Variants in ATP8B4 observed in about 807,000 individuals in gnomAD.
ATP8B4 encodes the protein ATPase phospholipid transporting 8B4 (putative), also known as probable phospholipid-transporting ATPase IM.
A neutral mutation model predicts 145.6 loss-of-function variants in ATP8B4; 133 were observed. The ratio of observed to expected loss-of-function variants is 0.91; its 90% confidence interval spans 0.79 to 1.05. The LOEUF (loss-of-function observed/expected upper bound fraction) is 1.05, where lower values mean the gene tolerates loss of function less well. Among genes scored for constraint, ATP8B4 ranks in the 50% least tolerant of loss-of-function variants. The probability of loss-of-function intolerance (pLI) is 0.00; values close to 1 mark genes in which losing one functional copy is unlikely to be tolerated. For missense variants in ATP8B4, 1,458 were observed against 1,425.2 expected, an observed-to-expected ratio of 1.02 and a Z score of -0.37; for synonymous variants, 507 against 492.9, an observed-to-expected ratio of 1.03 and a Z score of -0.38.
At chr15:49,911,439 A>G (rs2039217503) in intron 20 of ATP8B4, among the ~76,000 whole-genome samples, 1 of 152,150 alleles carries the variant, frequency 6.6e-6, no homozygotes, top group South Asian at 2.1e-4. Context: ...TCATTTTATA[A>G]TGATAAAGGG....
chr15:50,105,932 A>G (rs1013064701), intron 2 of ATP8B4, among the ~76,000 whole-genome samples: 3 of 88 alleles, frequency 0.034, no homozygotes, highest in Middle Eastern at 0.5. Context: ...TTTTACAGGA[A>G]AAAAAATGGG....
chr15:50,095,251 G>C (rs987655222), intron 2 of ATP8B4, among the ~76,000 whole-genome samples: 2 of 152,018 alleles, frequency 1.3e-5, no homozygotes, highest in Non-Finnish European at 2.9e-5. Context: ...GAAATTTGCA[G>C]GTGTCCACCC....
intron 25 of ATP8B4, among the ~76,000 whole-genome samples, chr15:49,874,910 T>C (rs1455544583): frequency 6.6e-6 from 1 of 151,874 alleles, no homozygotes; most frequent in Non-Finnish European, 1.5e-5. Context: ...CTTCTAAACA[T>C]AAAGTTAATA....
At chr15:50,162,667 C>T (rs1180572872) in intron 1 of ATP8B4, among the ~76,000 whole-genome samples, 11 of 152,094 alleles carry the variant, frequency 7.2e-5, no homozygotes, top group East Asian at 1.9e-4. Context: ...CCACCACGCC[C>T]GGCTAATTTT....
chr15:50,138,309 T>G (rs372239427), intron 1 of ATP8B4, among the ~76,000 whole-genome samples: 1 of 141,060 alleles, frequency 7.1e-6, no homozygotes, highest in East Asian at 2.1e-4. Context: ...TAGATACATA[T>G]ATAGATAGAT....
At chr15:49,922,869 C>T (rs1320492819) in intron 17 of ATP8B4, among the ~76,000 whole-genome samples, 2 of 152,184 alleles carry the variant, frequency 1.3e-5, no homozygotes, top group East Asian at 1.9e-4. Flanking sequence ...ACACAAGTGA[C>T]TCATCATGAT....
intron 5 of ATP8B4, among the ~76,000 whole-genome samples, chr15:50,039,279 A>C (rs995500670): frequency 2.6e-5 from 4 of 152,228 alleles, no homozygotes; most frequent in Admixed American, 6.5e-5. Flanking sequence ...TAACAACATC[A>C]ATTTTTATTC....
intron 25 of ATP8B4, among the ~76,000 whole-genome samples, chr15:49,869,727 C>A (rs1309596289): frequency 6.6e-6 from 1 of 152,120 alleles, no homozygotes; most frequent in Admixed American, 6.5e-5. Context: ...TATGGCGAAC[C>A]TTTTGGCAAC....
intron 1 of ATP8B4, among the ~76,000 whole-genome samples, chr15:50,144,780 C>A (rs1324288187): frequency 1.3e-5 from 2 of 151,870 alleles, no homozygotes; most frequent in Non-Finnish European, 2.9e-5. Flanking sequence ...TCTTCCTATC[C>A]ACAGGGCCTA....
At chr15:49,888,546 A>C (rs1444324206) in intron 23 of ATP8B4, among the ~76,000 whole-genome samples, 4 of 152,200 alleles carry the variant, frequency 2.6e-5, no homozygotes, top group Admixed American at 1.3e-4. Flanking sequence ...AATTTTCTAA[A>C]TAGGACTTCA....
chr15:49,996,759 C>A lies in ATP8B4; in HGVS notation c.507G>T (p.Gly169=), dbSNP rs866817883. 2.5e-6 allele frequency: 4 copies of A among 1,607,212 alleles called. No homozygotes were observed. The highest frequency in any genetic ancestry group is 3.4e-6 in the Non-Finnish European group (4 of 1,175,072). The change falls in exon 9 of 28, where the codon GGG becomes GGT. Residue 169 remains glycine (G), a splice_region_variant and synonymous_variant. Coordinates refer to ENST00000284509, the MANE Select transcript of ATP8B4 (RefSeq NM_024837.4). Reference sequence around the variant, plus strand: ...CATGGCGGACTTTTAGGTTCGTTTCCCTGTGAAATTATTGACATGACATGA... The same window carrying A: ...CATGGCGGACTTTTAGGTTCGTTTCACTGTGAAATTATTGACATGACATGA... ...LCYVETAELD[G]ETNLKVRHAL...
chr15:50,074,789 C>A (rs1413994397), intron 2 of ATP8B4, among the ~76,000 whole-genome samples: 3 of 152,082 alleles, frequency 2.0e-5, no homozygotes, highest in African/African-American at 7.2e-5. Context: ...ATAAAAAGGA[C>A]AATAAACCTA....
Position 49,901,195 on chromosome 15 carries a change from T to C in ATP8B4, c.2186A>G (p.Asn729Ser), listed in dbSNP as rs909624706. The stretch of plus-strand genomic sequence containing the variant: ...CTTTTTTTCACAAACTACATGGCCA[T>C]TGGAAAAATTTCTGTTTTGTCCAAA... The part of the protein sequence containing the change: ...NLFGQNRNFS[N>S]GHVVCEKKQQ... Residue 729 changes from asparagine (N) to serine (S), a missense_variant, in exon 21 of 28, where the codon AAT becomes AGT. Asn to Ser is a conservative substitution (Grantham distance 46). Coordinates refer to ENST00000284509, the MANE Select transcript of ATP8B4 (RefSeq NM_024837.4). 11 of 1,613,476 alleles carry C rather than the reference T, an allele frequency of 6.8e-6. No homozygotes were observed. The highest frequency in any genetic ancestry group is 1.3e-5 in the African/African-American group (1 of 75,004).
chr15:50,156,871 G>T (rs2044428354), intron 1 of ATP8B4, among the ~76,000 whole-genome samples: 1 of 152,102 alleles, frequency 6.6e-6, no homozygotes, highest in Non-Finnish European at 1.5e-5. Context: ...AGCTTGGACT[G>T]GTATTTTAGA....
At chr15:49,914,465 C>T (rs1007863345) in intron 20 of ATP8B4, among the ~76,000 whole-genome samples, 1 of 152,012 alleles carries the variant, frequency 6.6e-6, no homozygotes, top group Non-Finnish European at 1.5e-5. Flanking sequence ...GCAACAAAAA[C>T]ATAGGCAAGT....
intron 2 of ATP8B4, 84 bp downstream of exon 2, chr15:50,106,855 A>G: frequency 2.9e-6 from 4 of 1,362,770 alleles, no homozygotes; most frequent in Non-Finnish European, 4.0e-6. Context: ...TGTGCTTTTT[A>G]TATATAAATT....
intron 2 of ATP8B4, among the ~76,000 whole-genome samples, chr15:50,081,921 T>G (rs533479795): frequency 1.3e-5 from 2 of 152,178 alleles, no homozygotes; most frequent in Non-Finnish European, 2.9e-5. Flanking sequence ...GGGGTCCCTA[T>G]ATAGAACTCA....
intron 8 of ATP8B4, among the ~76,000 whole-genome samples, chr15:50,000,516 A>G (rs1359780934): frequency 1.3e-5 from 2 of 151,952 alleles, no homozygotes; most frequent in African/African-American, 4.8e-5. Context: ...TGTCTCTTTT[A>G]TGTCATTTGC....
At position 49,901,541 on chromosome 15, in the gene ATP8B4, T is replaced by C. The variant is rs543804822; in HGVS notation, c.2142-302A>G. 7.0e-4 allele frequency among the ~76,000 whole-genome samples: 106 copies of C among 152,308 alleles called. 1 individual carries two copies. In the Middle Eastern group the frequency reaches 0.017, roughly 24 times the overall value. ...GTTTGAACTAGGGGATCTTGATAGA[T>C]TTGGTACTTAAGACTGTCTGAGCTT... On this transcript the variant is annotated intron_variant, in intron 20 of 27. Coordinates refer to ENST00000284509, the MANE Select transcript of ATP8B4 (RefSeq NM_024837.4).
Sources: allele counts gnomAD v4.1 joint callset (sites outside exome capture counted in the v4.1 genomes callset), GRCh38; gene constraint gnomAD v4.1.1; transcripts MANE v1.5; gene names NCBI Gene and HGNC (gene_info 2026-07-23, HGNC 2026-07-21).